Variants in AMMECR1 observed in about 807,000 individuals in gnomAD.
AMMECR1 encodes AMMECR nuclear protein 1.
A neutral mutation model predicts 22.5 loss-of-function variants in AMMECR1; 3 were observed. That is an observed-to-expected ratio of 0.13 (90% CI 0.06 to 0.35). AMMECR1 has a LOEUF of 0.35. Ranked by LOEUF, AMMECR1 falls within the 10% of genes least tolerant of loss-of-function variation. The pLI, the probability that AMMECR1 is intolerant of heterozygous loss-of-function variation, is 1.00. For synonymous variants in AMMECR1, 130 were observed against 116.7 expected (o/e 1.11, Z -0.74); for missense variants, 235 against 278.7 (o/e 0.84, Z 1.12).
chrX:110,306,352 CTTTAG>C (rs2067995183), intron 1 of AMMECR1, among the ~76,000 whole-genome samples: 2 of 111,850 alleles, frequency 1.8e-5, no homozygotes, highest in South Asian at 7.5e-4. Flanking sequence ...ATTTTAATGC[CTTTAG>C]TTTATTCATA....
At position 110,198,257 on chromosome X, in the gene AMMECR1, T is replaced by C. The variant is rs752998719; in HGVS notation, c.*263A>G. ...CAGCAAAGCAAAATTCTACATAATA[T>C]TATAAGGAAAAAAAAACCCAAAATT... On this transcript the variant is annotated 3_prime_UTR_variant, in exon 6 of 6. Transcript: ENST00000262844. 70 of 205,321 alleles carry C rather than the reference T, an allele frequency of 3.4e-4. No homozygotes were observed. The Admixed American group carries it at 5.2e-3, about 15-fold the overall frequency. The allele number at this position is 205,321 out of a possible 1,213,427, so 16.9% of individuals were successfully genotyped here.
At chrX:110,354,844 A>C (rs1569413134) in intron 2 of AMMECR1, among the ~76,000 whole-genome samples, 2 of 112,199 alleles carry the variant, frequency 1.8e-5, no homozygotes, top group African/African-American at 6.5e-5. Flanking sequence ...ATTCGAAATA[A>C]ATAAACTTGA....
chrX:110,396,318 G>A (rs2068527970), intron 2 of AMMECR1, among the ~76,000 whole-genome samples: 1 of 111,764 alleles, frequency 8.9e-6, no homozygotes, highest in African/African-American at 3.3e-5. Context: ...CATCTATCAT[G>A]ATTTTCCATG....
intron 2 of AMMECR1, among the ~76,000 whole-genome samples, chrX:110,373,270 TGA>T (rs894740461): frequency 9.0e-6 from 1 of 111,703 alleles, no homozygotes; most frequent in Non-Finnish European, 1.9e-5. Context: ...TTCCTTAGGA[TGA>T]GGTGGAAATA....
intron 2 of AMMECR1, among the ~76,000 whole-genome samples, chrX:110,425,875 A>G (rs768051162): frequency 8.9e-6 from 1 of 112,857 alleles, no homozygotes; most frequent in Admixed American, 9.3e-5. Context: ...GAATGAATAG[A>G]CAAATGTATT....
chrX:110,204,975 G>A (rs752602031), intron 3 of AMMECR1, among the ~76,000 whole-genome samples: 1 of 111,779 alleles, frequency 8.9e-6, no homozygotes, highest in South Asian at 3.7e-4. Flanking sequence ...GAAAGCCCCT[G>A]TAAATTGAAC....
intron 2 of AMMECR1, among the ~76,000 whole-genome samples, chrX:110,347,556 A>G (rs1311999574): frequency 8.9e-6 from 1 of 112,763 alleles, no homozygotes; most frequent in Non-Finnish European, 1.9e-5. Context: ...GGAAAGCATA[A>G]TTTTGTTAAT....
At chrX:110,217,355 G>A (rs2067478718) in intron 2 of AMMECR1, among the ~76,000 whole-genome samples, 1 of 109,852 alleles carries the variant, frequency 9.1e-6, no homozygotes, top group Non-Finnish European at 1.9e-5. Flanking sequence ...ATGATTAGGA[G>A]ACCATTAATC....
chrX:110,222,604 C>T lies in AMMECR1; in HGVS notation c.585-5972G>A, dbSNP rs143106956. On this transcript the variant is annotated intron_variant, in intron 2 of 5. Coordinates refer to ENST00000262844, the MANE Select transcript of AMMECR1 (RefSeq NM_015365.3). The stretch of plus-strand genomic sequence containing the variant: ...TAAAACTTAAATTAAAAAAAAAAAC[C>T]ATATTATCCAATTCTGGAAAAAAAA... Among the ~76,000 whole-genome samples, 437 of 97,116 alleles carry T rather than the reference C, an allele frequency of 4.5e-3. 3 individuals carry two copies. The highest frequency in any genetic ancestry group is 0.016 in the African/African-American group (424 of 26,025). The allele number at this position is 97,116 out of a possible 115,157, so 84.3% of individuals were successfully genotyped here. A position where few individuals can be genotyped will look rare whatever the true frequency, so the allele number is the denominator to read the frequency against.
chrX:110,233,719 A>G (rs1569381981), intron 2 of AMMECR1, among the ~76,000 whole-genome samples: 1 of 112,524 alleles, frequency 8.9e-6, no homozygotes, highest in Non-Finnish European at 1.9e-5. Flanking sequence ...AAACAGAACC[A>G]ATGACAAAAA....
intron 2 of AMMECR1, among the ~76,000 whole-genome samples, chrX:110,332,509 T>G (rs1254104640): frequency 8.9e-6 from 1 of 112,153 alleles, no homozygotes; most frequent in Non-Finnish European, 1.9e-5. Flanking sequence ...AATTAAAAAC[T>G]CCCGTTAAGA....
chrX:110,423,412 G>A (rs753140102), intron 2 of AMMECR1, among the ~76,000 whole-genome samples: 1 of 111,089 alleles, frequency 9.0e-6, no homozygotes. Flanking sequence ...GAAGGAGAAG[G>A]AGAACGAGAA....
intron 2 of AMMECR1, among the ~76,000 whole-genome samples, chrX:110,423,454 GT>G (rs930676923): frequency 2.7e-5 from 3 of 112,178 alleles, no homozygotes; most frequent in African/African-American, 9.7e-5. Context: ...CTCTGCTAGG[GT>G]TAATTGCTCA....
chrX:110,369,251 G>A (rs2068320443), intron 2 of AMMECR1, among the ~76,000 whole-genome samples: 1 of 111,250 alleles, frequency 9.0e-6, no homozygotes, highest in Admixed American at 9.5e-5. Context: ...AGAATTGCTT[G>A]AACCCGGGGG....
intron 1 of AMMECR1, among the ~76,000 whole-genome samples, chrX:110,303,828 T>G (rs1332728676): frequency 8.9e-6 from 1 of 112,319 alleles, no homozygotes; most frequent in Non-Finnish European, 1.9e-5. Context: ...ACTGATACAA[T>G]GCTCATGCTT....
intron 2 of AMMECR1, among the ~76,000 whole-genome samples, chrX:110,389,480 G>A (rs929051107): frequency 4.9e-4 from 55 of 112,245 alleles, no homozygotes; most frequent in African/African-American, 1.7e-3. Context: ...AAAAAGATGG[G>A]TATGATTGAA....
chrX:110,387,027 G>C (rs934100548), intron 2 of AMMECR1, among the ~76,000 whole-genome samples: 15 of 112,585 alleles, frequency 1.3e-4, no homozygotes, highest in African/African-American at 4.5e-4. Flanking sequence ...AAGGGAGGGA[G>C]AAAGCACTTG....
intron 3 of AMMECR1, among the ~76,000 whole-genome samples, chrX:110,215,697 A>AT (rs1263975684): frequency 8.9e-6 from 1 of 112,106 alleles, no homozygotes; most frequent in East Asian, 2.8e-4. Context: ...ACTCGCCACT[A>AT]AATTATGACA....
rs1172750851 is a variant in AMMECR1 at position 110,238,793 on chromosome X, G to A, written c.585-22161C>T. Among the ~76,000 whole-genome samples the A allele has an allele frequency of 2.7e-5, 3 of 112,124 alleles. No homozygotes were observed. The Admixed American group carries it at 2.8e-4, about 10-fold the overall frequency. Reference sequence around the variant, plus strand: ...AGGGGTCGACAGACACCTCATACAGGAGAGCTCCAGCTGGCATCTGGCGGG... The same window carrying A: ...AGGGGTCGACAGACACCTCATACAGAAGAGCTCCAGCTGGCATCTGGCGGG... On this transcript the variant is annotated intron_variant, in intron 2 of 5. Transcript: ENST00000262844.
Sources: gnomAD v4.1 joint callset for allele counts (sites outside exome capture counted in the v4.1 genomes callset) on GRCh38, gnomAD v4.1.1 for gene constraint, MANE v1.5 for transcripts, NCBI Gene and HGNC (gene_info 2026-07-23, HGNC 2026-07-21) for gene names.